Variants in SMPD3 observed in about 807,000 individuals in gnomAD.
SMPD3 encodes the protein sphingomyelin phosphodiesterase 3, also known as nSMase-2.
SMPD3 carries 21 observed loss-of-function variants against 55.7 expected under a neutral mutation model. That is an observed-to-expected ratio of 0.38 (90% CI 0.27 to 0.54). The LOEUF (loss-of-function observed/expected upper bound fraction) is 0.54. SMPD3 is among the 20% of genes least tolerant of loss of function. The pLI is 0.80. For missense variants in SMPD3, 842 were observed against 899.6 expected (o/e 0.94, Z 0.82); for synonymous variants, 457 against 404.3 (o/e 1.13, Z -1.56).
intron 3 of SMPD3, among the ~76,000 whole-genome samples, 157 bp from the exon 4 acceptor site, chr16:68,365,249 T>G (rs548467248): frequency 4.6e-5 from 7 of 152,308 alleles, no homozygotes; most frequent in African/African-American, 1.7e-4. Flanking sequence ...TGTGTCCTGC[T>G]TCTAGGGACT....
chr16:68,363,753 C>T, intron 6 of SMPD3, 24 bp downstream of exon 6: 1 of 1,550,292 alleles, frequency 6.5e-7, no homozygotes, highest in Non-Finnish European at 8.7e-7. Context: ...CAGCTCCCAT[C>T]CTCCTCCCCC....
chr16:68,420,587 A>C (rs1275626412), intron 1 of SMPD3, among the ~76,000 whole-genome samples: 2 of 152,212 alleles, frequency 1.3e-5, no homozygotes, highest in Admixed American at 1.3e-4. Flanking sequence ...CAGGTGAGTT[A>C]AGTGGCTCCT....
intron 1 of SMPD3, among the ~76,000 whole-genome samples, chr16:68,391,803 C>A (rs985512037): frequency 1.3e-5 from 2 of 152,176 alleles, no homozygotes; most frequent in Non-Finnish European, 2.9e-5. Context: ...AGCCCTAAAC[C>A]CACTGTGTGG....
Position 68,360,668 on chromosome 16 carries a change from T to C in SMPD3, c.*538A>G, listed in dbSNP as rs1438187821. The C allele has an allele frequency of 6.4e-6, 1 of 155,922 alleles. No homozygotes were observed. Among genetic ancestry groups the C allele is most frequent in the Non-Finnish European group, 1.4e-5 (1 of 70,144 alleles). 9.7% of individuals were successfully genotyped at this position (155,922 alleles called of 1,614,324 possible). A position where few individuals can be genotyped will look rare whatever the true frequency, so the allele number is the denominator to read the frequency against. ...GGACCCTGCAGGAGCCGGCCCACAC[T>C]GGAGGCGGGAGAGCTGGTGGCCGTG... On this transcript the variant is annotated 3_prime_UTR_variant, in exon 9 of 9. Coordinates refer to ENST00000219334, the MANE Select transcript of SMPD3 (RefSeq NM_018667.4).
At chr16:68,362,692 A>T (rs981657701) in intron 7 of SMPD3, among the ~76,000 whole-genome samples, 1 of 152,268 alleles carries the variant, frequency 6.6e-6, no homozygotes, top group African/African-American at 2.4e-5. Flanking sequence ...GGTTTTCATC[A>T]GCCTTAAGAT....
intron 1 of SMPD3, among the ~76,000 whole-genome samples, chr16:68,446,440 C>G: frequency 6.6e-6 from 1 of 151,774 alleles, no homozygotes; most frequent in East Asian, 2.0e-4. Context: ...GCTCCCCACC[C>G]CCACAACATC....
intron 3 of SMPD3, among the ~76,000 whole-genome samples, chr16:68,370,623 C>G (rs1007154565): frequency 3.4e-4 from 51 of 151,812 alleles, no homozygotes; most frequent in African/African-American, 1.2e-3. Context: ...GGGCCCAGAT[C>G]ACCCAGATGG....
Position 68,404,571 on chromosome 16 carries a change from G to A in SMPD3, c.-268-17912C>T, listed in dbSNP as rs2090237652. Among the ~76,000 whole-genome samples the A allele has an allele frequency of 6.6e-6, 1 of 152,154 alleles. No homozygotes were observed. Among genetic ancestry groups the A allele is most frequent in the Non-Finnish European group, 1.5e-5 (1 of 68,022 alleles). On this transcript the variant is annotated intron_variant, in intron 1 of 8. Transcript: ENST00000219334. The surrounding 1 kb of genome is among the most constrained non-coding windows in gnomAD (Gnocchi z 4.0). ...TGGGTATGCAGGAGGTGGGGTGTGA[G>A]GAGGGGCTGGCAAGCAACCTTTAGA... is the stretch of plus-strand genomic sequence containing the variant.
intron 1 of SMPD3, among the ~76,000 whole-genome samples, chr16:68,401,364 C>G (rs900472998): frequency 1.3e-5 from 2 of 152,134 alleles, no homozygotes; most frequent in African/African-American, 2.4e-5. Context: ...GTTTTTGCCA[C>G]CCAGCTCAGT....
intron 1 of SMPD3, among the ~76,000 whole-genome samples, chr16:68,392,502 T>C (rs1213372817): frequency 6.6e-6 from 1 of 152,152 alleles, no homozygotes; most frequent in Non-Finnish European, 1.5e-5. Context: ...GAGGAGCATT[T>C]GTAATCAAGT....
intron 2 of SMPD3, among the ~76,000 whole-genome samples, chr16:68,377,005 C>T (rs1597617957): frequency 6.6e-6 from 1 of 152,206 alleles, no homozygotes; most frequent in East Asian, 1.9e-4. Context: ...CACTCCTCCC[C>T]TGAGGGTCAG....
chr16:68,433,471 A>G (rs1445390532), intron 1 of SMPD3, among the ~76,000 whole-genome samples: 1 of 152,246 alleles, frequency 6.6e-6, no homozygotes, highest in Non-Finnish European at 1.5e-5. Context: ...AGATGAATTC[A>G]GGAGTCCATA....
At chr16:68,408,414 A>G (rs1455216198) in intron 1 of SMPD3, among the ~76,000 whole-genome samples, 2 of 152,256 alleles carry the variant, frequency 1.3e-5, no homozygotes, top group South Asian at 4.1e-4. Context: ...GTGAATTTAT[A>G]CAAGAGAGTC....
At chr16:68,400,781 G>A (rs1318063264) in intron 1 of SMPD3, among the ~76,000 whole-genome samples, 2 of 152,162 alleles carry the variant, frequency 1.3e-5, no homozygotes, top group Non-Finnish European at 2.9e-5. Context: ...AACCAAACCT[G>A]AGCAATCACC....
Position 68,365,030 on chromosome 16 carries a change from C to T in SMPD3, c.1386G>A (p.Leu462=), listed in dbSNP as rs2089435297. The part of the protein sequence containing the change: ...RIVGYIACTH[L]HAPQEDSAIR... ...CGGCAACCCTACCTTGCGGGGCATGCAGGTGTGTGCAGGCGATGTACCCGA... is the reference window on the plus strand; with the variant it reads ...CGGCAACCCTACCTTGCGGGGCATGTAGGTGTGTGCAGGCGATGTACCCGA... Residue 462 remains leucine (L), a synonymous_variant, in exon 4 of 9, where the codon CTG becomes CTA. Transcript: ENST00000219334. 1.2e-6 allele frequency: 2 copies of T among 1,614,002 alleles called. No homozygotes were observed. Among genetic ancestry groups the T allele is most frequent in the South Asian group, 2.2e-5 (2 of 91,088 alleles).
At chr16:68,366,740 T>A (rs892279587) in intron 3 of SMPD3, among the ~76,000 whole-genome samples, 2 of 152,160 alleles carry the variant, frequency 1.3e-5, no homozygotes, top group African/African-American at 4.8e-5. Context: ...CTGGGCACAG[T>A]GGCTCACACC....
rs73551984 is a variant in SMPD3 at position 68,447,831 on chromosome 16, A to G, written c.-269+522T>C. ...ATAGGGAGGGGGGCGAGTGTGGAGGAAGGGGCCTGGGCAAGGGTCTTCCCT... is the reference window on the plus strand; with the variant it reads ...ATAGGGAGGGGGGCGAGTGTGGAGGGAGGGGCCTGGGCAAGGGTCTTCCCT... On this transcript the variant is annotated intron_variant, in intron 1 of 8. Transcript: ENST00000219334. The surrounding 1 kb of genome is among the most constrained non-coding windows in gnomAD (Gnocchi z 5.1). 6.9e-3 allele frequency among the ~76,000 whole-genome samples: 1,056 copies of G among 152,170 alleles called. 20 individuals are homozygous for G. Among genetic ancestry groups the G allele is most frequent in the African/African-American group, 0.025 (1,021 of 41,518 alleles).
intron 1 of SMPD3, among the ~76,000 whole-genome samples, chr16:68,429,860 A>T (rs748027078): frequency 1.3e-5 from 2 of 152,124 alleles, no homozygotes; most frequent in Non-Finnish European, 2.9e-5. Context: ...AATTCCCAGG[A>T]TGGCTTCCTG....
chr16:68,447,963 G>T lies in SMPD3; in HGVS notation c.-269+390C>A. ...GACTCCTTTGTAACCTCGAGCAGCC[G>T]AAGTGTTGCGGGGAGGGGTCCCCCT... On this transcript the variant is annotated intron_variant, in intron 1 of 8. Coordinates refer to ENST00000219334, the MANE Select transcript of SMPD3 (RefSeq NM_018667.4). The surrounding 1 kb of genome is among the most constrained non-coding windows in gnomAD (Gnocchi z 5.1). 6.6e-6 allele frequency among the ~76,000 whole-genome samples: 1 copy of T among 151,520 alleles called. No homozygotes were observed. Among genetic ancestry groups the T allele is most frequent in the Non-Finnish European group, 1.5e-5 (1 of 67,880 alleles).
Sources: allele counts gnomAD v4.1 joint callset (sites outside exome capture counted in the v4.1 genomes callset), GRCh38; gene constraint gnomAD v4.1.1; non-coding constraint Gnocchi (gnomAD v3.1); transcripts MANE v1.5; gene names NCBI Gene and HGNC (gene_info 2026-07-23, HGNC 2026-07-21).